Variants in GCA observed in about 807,000 individuals in gnomAD.
GCA encodes the protein grancalcin, EF-hand calcium-binding protein.
GCA carries 30 observed loss-of-function variants against 32.6 expected under a neutral mutation model. The observed-to-expected ratio is 0.92, with a 90% CI of 0.69 to 1.25. The LOEUF is 1.25. GCA is among the 50% of genes most tolerant of loss of function. The probability of loss-of-function intolerance (pLI) is 0.00; values close to 1 mark genes in which losing one functional copy is unlikely to be tolerated. For missense variants in GCA, 291 were observed against 266.8 expected (o/e 1.09, Z -0.63); for synonymous variants, 102 against 84.6 (o/e 1.21, Z -1.13).
At chr2:162,373,508 A>T, downstream of GCA, 1 of 1,572,188 alleles carries the variant, frequency 6.4e-7, no homozygotes, top group Non-Finnish European at 8.6e-7. Flanking sequence ...GTTTTGATGG[A>T]TGCTTCCGGT....
intron 1 of GCA, 64 bp downstream of exon 1, chr2:162,344,339 G>A: frequency 2.6e-6 from 4 of 1,517,028 alleles, no homozygotes; most frequent in Non-Finnish European, 3.6e-6. Flanking sequence ...CGGGGGCGGT[G>A]CCAACGTGCG....
chr2:162,328,692 T>C (rs1261580416), intron 1 of GCA, among the ~76,000 whole-genome samples: 1 of 152,202 alleles, frequency 6.6e-6, no homozygotes. Context: ...TTTTGCTATC[T>C]ATAGATGGCT....
chr2:162,354,527 A>T (rs150118438), intron 3 of GCA, among the ~76,000 whole-genome samples: 1 of 152,324 alleles, frequency 6.6e-6, no homozygotes, highest in African/African-American at 2.4e-5. Flanking sequence ...CATCCAACTG[A>T]ACCGAGGCAG....
chr2:162,340,494 C>G (rs1254566083), upstream of GCA, among the ~76,000 whole-genome samples: 1 of 152,196 alleles, frequency 6.6e-6, no homozygotes, highest in African/African-American at 2.4e-5. Context: ...AGATTACCAA[C>G]AGATTGCTAA....
intron 1 of GCA, among the ~76,000 whole-genome samples, chr2:162,345,616 T>A (rs1425619298): frequency 1.3e-5 from 2 of 152,262 alleles, no homozygotes; most frequent in Non-Finnish European, 2.9e-5. Flanking sequence ...GTTTTGAATA[T>A]TTAAATCCCC....
At chr2:162,373,609 T>C, downstream of GCA, 1 of 1,568,508 alleles carries the variant, frequency 6.4e-7, no homozygotes, top group Non-Finnish European at 8.6e-7. Context: ...AGTGGTTTGT[T>C]TCTGCAGCAA....
At chr2:162,356,200 A>G (rs1483378098) in intron 3 of GCA, among the ~76,000 whole-genome samples, 1 of 152,036 alleles carries the variant, frequency 6.6e-6, no homozygotes, top group South Asian at 2.1e-4. Flanking sequence ...AGTAATTTTC[A>G]GTTAGTTTGT....
In GCA at chr2:162,362,547, C is replaced by G; in HGVS notation, c.*2304C>G. 2 of 957,830 alleles carry G rather than the reference C, an allele frequency of 2.1e-6. No homozygotes were observed. The highest frequency in any genetic ancestry group is 2.5e-6 in the Non-Finnish European group (2 of 804,938). The allele number at this position is 957,830 out of a possible 1,614,324, so 59.3% of individuals were successfully genotyped here. ...TGTAAATTATTGAATAATGTACACTCTTAATGTATAAGTGCTTTTATTTAT... is the reference window on the plus strand; with the variant it reads ...TGTAAATTATTGAATAATGTACACTGTTAATGTATAAGTGCTTTTATTTAT... On this transcript the variant is annotated 3_prime_UTR_variant, in exon 8 of 8. Coordinates refer to ENST00000437150, the MANE Select transcript of GCA (RefSeq NM_012198.5).
At chr2:162,336,586 T>C (rs888085305) in intron 1 of GCA, among the ~76,000 whole-genome samples, 1 of 152,174 alleles carries the variant, frequency 6.6e-6, no homozygotes, top group Admixed American at 6.5e-5. Flanking sequence ...CCTCTCTTAA[T>C]GGGTGGCTCA....
chr2:162,325,678 C>T (rs1031961761), intron 1 of GCA, among the ~76,000 whole-genome samples: 1 of 152,248 alleles, frequency 6.6e-6, no homozygotes. Context: ...TGCCCCCTTC[C>T]CTGACACTAT....
At chr2:162,358,326 TAGG>T (rs1261755145) in intron 5 of GCA, among the ~76,000 whole-genome samples, 7 of 151,528 alleles carry the variant, frequency 4.6e-5, no homozygotes, top group African/African-American at 7.2e-5. Context: ...TTTTTTAAAA[TAGG>T]AGTAATCAAA....
downstream of GCA, among the ~76,000 whole-genome samples, chr2:162,374,238 C>T (rs895022446): frequency 6.6e-6 from 1 of 152,082 alleles, no homozygotes; most frequent in African/African-American, 2.4e-5. Context: ...CTTAATATGT[C>T]ATGGCCTTTG....
At chr2:162,324,129 C>T (rs1374936653) in intron 1 of GCA, among the ~76,000 whole-genome samples, 1 of 152,088 alleles carries the variant, frequency 6.6e-6, no homozygotes, top group African/African-American at 2.4e-5. Flanking sequence ...CTTCTGAAGC[C>T]TCAGTGGGCG....
intron 1 of GCA, among the ~76,000 whole-genome samples, chr2:162,322,411 T>TTATG (rs903641382): frequency 7.0e-6 from 1 of 143,454 alleles, no homozygotes; most frequent in African/African-American, 2.8e-5. Context: ...ATTTATTTAT[T>TTATG]TATTTATTAT....
At position 162,360,369 on chromosome 2, in the gene GCA, T is replaced by C. The variant is rs1685515136; in HGVS notation, c.*126T>C. On this transcript the variant is annotated 3_prime_UTR_variant, in exon 8 of 8. Coordinates refer to ENST00000437150, the MANE Select transcript of GCA (RefSeq NM_012198.5). Reference sequence around the variant, plus strand: ...CTACCTGTTAAACCTCTTCCCTTTCTGTGTGTTTTTATTTTAGCAGATAGT... The same window carrying C: ...CTACCTGTTAAACCTCTTCCCTTTCCGTGTGTTTTTATTTTAGCAGATAGT... 1 of 1,390,278 alleles carries C rather than the reference T, an allele frequency of 7.2e-7. No individual in the cohort carries two copies. The highest frequency in any genetic ancestry group is 1.5e-5 in the African/African-American group (1 of 66,154). The allele number at this position is 1,390,278 out of a possible 1,614,324, so 86.1% of individuals were successfully genotyped here.
downstream of GCA, chr2:162,371,716 C>T (rs947449815): frequency 2.3e-5 from 24 of 1,021,428 alleles, no homozygotes; most frequent in Non-Finnish European, 3.4e-5. Flanking sequence ...AGTACTTTTG[C>T]ATATAATGGT....
chr2:162,318,929 A>G (rs1318805637), upstream of GCA: 8 of 252,844 alleles, frequency 3.2e-5, no homozygotes, highest in Non-Finnish European at 6.6e-5. Flanking sequence ...CTGCCTTAAC[A>G]ATAAGGTCCT....
At chr2:162,319,204 T>C (rs2105240891) in exon 1 of GCA, 1 of 457,048 alleles carries the variant, frequency 2.2e-6, no homozygotes, top group African/African-American at 2.0e-5. Context: ...AAACACTAAC[T>C]TGTTTCCCTG....
downstream of GCA, among the ~76,000 whole-genome samples, chr2:162,375,247 G>T (rs970373787): frequency 6.6e-6 from 1 of 152,142 alleles, no homozygotes; most frequent in African/African-American, 2.4e-5. Context: ...AATGTAAAAG[G>T]ATTTGGGGGG....
Sources: allele counts gnomAD v4.1 joint callset (sites outside exome capture counted in the v4.1 genomes callset), GRCh38; gene constraint gnomAD v4.1.1; transcripts MANE v1.5; gene names NCBI Gene and HGNC (gene_info 2026-07-23, HGNC 2026-07-21).